Variants in SEMA5A observed in about 807,000 individuals in gnomAD.
The protein encoded by SEMA5A is semaphorin 5A.
In SEMA5A, 55 loss-of-function variants were observed where a neutral mutation model predicts 135.5. The ratio of observed to expected loss-of-function variants is 0.41; its 90% CI spans 0.33 to 0.51. The LOEUF is 0.51. SEMA5A is among the 20% of genes least tolerant of loss of function. The pLI is 0.37. For missense variants in SEMA5A, 1,290 were observed against 1,419.9 expected, an observed-to-expected ratio of 0.91 and a Z score of 1.47; for synonymous variants, 580 against 546.5, an observed-to-expected ratio of 1.06 and a Z score of -0.85.
intron 12 of SEMA5A, among the ~76,000 whole-genome samples, chr5:9,151,824 A>G (rs192182190): frequency 6.6e-6 from 1 of 152,342 alleles, no homozygotes; most frequent in East Asian, 1.9e-4. Context: ...AGTAAACAGC[A>G]GGATGATTAA....
At chr5:9,175,400 A>C (rs545819102) in intron 11 of SEMA5A, among the ~76,000 whole-genome samples, 5 of 152,070 alleles carry the variant, frequency 3.3e-5, no homozygotes, top group Non-Finnish European at 5.9e-5. Context: ...TCCCATTGGC[A>C]GTACAAAGAA....
At chr5:9,097,653 A>G (rs1170496866) in intron 16 of SEMA5A, among the ~76,000 whole-genome samples, 1 of 152,158 alleles carries the variant, frequency 6.6e-6, no homozygotes, top group Non-Finnish European at 1.5e-5. Flanking sequence ...TATCAATTAG[A>G]CCCACAGGTT....
chr5:9,123,258 CAAAAAAAAAAAAAAA>C (rs57533658), intron 13 of SEMA5A, among the ~76,000 whole-genome samples: 766 of 38,888 alleles, frequency 0.02, 25 homozygotes, highest in East Asian at 0.14. Flanking sequence ...GACTCCGCCT[CAAAAAAAAAAAAAAA>C]AAAAAAAAAA....
chr5:9,176,895 T>C (rs1243125576), intron 11 of SEMA5A, among the ~76,000 whole-genome samples: 1 of 152,216 alleles, frequency 6.6e-6, no homozygotes, highest in Non-Finnish European at 1.5e-5. Flanking sequence ...CACAGATGGG[T>C]GACCACTGAT....
intron 1 of SEMA5A, among the ~76,000 whole-genome samples, chr5:9,441,484 C>G (rs149837803): frequency 7.9e-5 from 12 of 152,164 alleles, no homozygotes; most frequent in Non-Finnish European, 4.4e-5. Context: ...GGTACCATCC[C>G]TGGAGTTGGG....
At position 9,484,418 on chromosome 5, in the gene SEMA5A, A is replaced by G. The variant is rs538097627; in HGVS notation, c.-174-46566T>C. 1.2e-4 allele frequency among the ~76,000 whole-genome samples: 19 copies of G among 152,314 alleles called. No homozygotes were observed. The South Asian group carries it at 1.9e-3, about 15-fold the overall frequency. ...AGTGTATCATCAGGAGGCTGTAGGCAAATCGCTGGCTGGCTGTCACAGTCA... is the reference window on the plus strand; with the variant it reads ...AGTGTATCATCAGGAGGCTGTAGGCGAATCGCTGGCTGGCTGTCACAGTCA... On this transcript the variant is annotated intron_variant, in intron 1 of 22. Transcript: ENST00000382496.
In SEMA5A at chr5:9,502,499, A is replaced by T. The variant is rs567154036; in HGVS notation, c.-175+43085T>A. On this transcript the variant is annotated intron_variant, in intron 1 of 22. Transcript: ENST00000382496. Reference sequence around the variant, plus strand: ...ATCCCAGCAAAAACTTAGGCCAGAGATAGCAGAGAGCTGGCCTGGAGTCGC... The same window carrying T: ...ATCCCAGCAAAAACTTAGGCCAGAGTTAGCAGAGAGCTGGCCTGGAGTCGC... Among the ~76,000 whole-genome samples, 60 of 152,298 alleles carry T rather than the reference A, an allele frequency of 3.9e-4. 1 individual carries two copies. Among genetic ancestry groups the T allele is most frequent in the Non-Finnish European group, 6.9e-4 (47 of 68,022 alleles).
At chr5:9,120,999 A>T (rs1398671765) in intron 14 of SEMA5A, among the ~76,000 whole-genome samples, 1 of 152,032 alleles carries the variant, frequency 6.6e-6, no homozygotes, top group Non-Finnish European at 1.5e-5. Context: ...GCTGGTTTTG[A>T]ACTCCCGACC....
intron 2 of SEMA5A, among the ~76,000 whole-genome samples, chr5:9,412,261 T>C (rs1757126367): frequency 6.6e-6 from 1 of 151,810 alleles, no homozygotes; most frequent in African/African-American, 2.4e-5. Context: ...ACCCTTTCCT[T>C]TCTACCTCCC....
At chr5:9,399,926 G>A (rs1454424381) in intron 2 of SEMA5A, among the ~76,000 whole-genome samples, 1 of 151,930 alleles carries the variant, frequency 6.6e-6, no homozygotes, top group African/African-American at 2.4e-5. Context: ...ATAAGATACT[G>A]GTATACATAC....
At chr5:9,064,936 T>C (rs1737383395) in intron 17 of SEMA5A, among the ~76,000 whole-genome samples, 1 of 152,216 alleles carries the variant, frequency 6.6e-6, no homozygotes, top group South Asian at 2.1e-4. Context: ...AAAATGTGCA[T>C]ATTTAAGTCC....
rs763583422 is a variant in SEMA5A, at chr5:9,050,417, C to T, written c.2886G>A (p.Arg962=). 1.9e-6 allele frequency: 3 copies of T among 1,612,252 alleles called. No individual in the cohort carries two copies. Among genetic ancestry groups the T allele is most frequent in the East Asian group, 2.2e-5 (1 of 44,866 alleles). Residue 962 remains arginine, a synonymous_variant, in exon 21 of 23, where the codon AGG becomes AGA. Transcript: ENST00000382496. ...TTAAAAGGAATAACGTACCTCCACA[C>T]CTTTTCTCTTCTACGCTACTGGATC... The part of the protein sequence containing the change: ...VARSSSVEEK[R]CGEFNMFHMI...
At position 9,044,675 on chromosome 5, in the gene SEMA5A, T is replaced by G. The variant is rs182441880; in HGVS notation, c.2894-91A>C. On this transcript the variant is annotated intron_variant, in intron 21 of 22. Coordinates refer to ENST00000382496, the MANE Select transcript of SEMA5A (RefSeq NM_003966.3). ...CTAGGATGAAAAGAGAAAGTCAAAA[T>G]GAAAAGCTTCATCCCCATTCCAAAA... 7 of 1,101,918 alleles carry G rather than the reference T, an allele frequency of 6.4e-6. No homozygotes were observed. The Admixed American group carries it at 1.0e-4, about 16-fold the overall frequency. The allele number at this position is 1,101,918 out of a possible 1,614,324, so 68.3% of individuals were successfully genotyped here.
rs977066487 is a variant in SEMA5A at position 9,330,425 on chromosome 5, G to T, written c.224+7288C>A. 2.3e-3 allele frequency among the ~76,000 whole-genome samples: 335 copies of T among 144,882 alleles called. 1 individual carries two copies. The highest frequency in any genetic ancestry group is 8.4e-3 in the African/African-American group (321 of 38,208). On this transcript the variant is annotated intron_variant, in intron 4 of 22. Coordinates refer to ENST00000382496, the MANE Select transcript of SEMA5A (RefSeq NM_003966.3). ...AAAAAAGTACAGATTAGTTTTTTTT[G>T]TTTTTGTTTTTGTTTTTGTTTTGTT...
chr5:9,506,994 CA>C (rs1319588319), intron 1 of SEMA5A, among the ~76,000 whole-genome samples: 3 of 150,992 alleles, frequency 2.0e-5, no homozygotes, highest in Non-Finnish European at 3.0e-5. Flanking sequence ...ATACAAAAAT[CA>C]AATGGGCATC....
chr5:9,174,839 C>G (rs1165521193), intron 11 of SEMA5A, among the ~76,000 whole-genome samples: 1 of 152,178 alleles, frequency 6.6e-6, no homozygotes, highest in Non-Finnish European at 1.5e-5. Flanking sequence ...TCTCTGCTAC[C>G]GTGCCCTTCA....
At chr5:9,394,179 G>A (rs1332666289) in intron 2 of SEMA5A, among the ~76,000 whole-genome samples, 1 of 152,076 alleles carries the variant, frequency 6.6e-6, no homozygotes, top group Non-Finnish European at 1.5e-5. Context: ...AGCCCCCAGT[G>A]GAATGAGGTC....
At chr5:9,147,330 C>T (rs1481911645) in intron 12 of SEMA5A, among the ~76,000 whole-genome samples, 1 of 152,022 alleles carries the variant, frequency 6.6e-6, no homozygotes, top group Non-Finnish European at 1.5e-5. Context: ...CTTGCTCTGT[C>T]ACCCAGGCTG....
intron 3 of SEMA5A, among the ~76,000 whole-genome samples, chr5:9,378,269 G>A (rs1444994783): frequency 6.6e-6 from 1 of 152,056 alleles, no homozygotes; most frequent in African/African-American, 2.4e-5. Flanking sequence ...CCTGCATAAG[G>A]TGTACCTTCA....
Sources: allele counts gnomAD v4.1 joint callset (sites outside exome capture counted in the v4.1 genomes callset), GRCh38; gene constraint gnomAD v4.1.1; transcripts MANE v1.5; gene names NCBI Gene and HGNC (gene_info 2026-07-23, HGNC 2026-07-21).